The following WWC2 variants were observed in gnomAD, a reference collection of about 807,000 sequenced individuals.
The protein encoded by WWC2 is protein WWC2.
Under a neutral mutation model 138.5 loss-of-function variants are expected in WWC2, and 101 were observed. The ratio of observed to expected loss-of-function variants is 0.73; its 90% CI spans 0.62 to 0.86. WWC2 has a LOEUF of 0.86. WWC2 is among the 40% of genes least tolerant of loss of function. WWC2 has a pLI of 0.00. For missense variants in WWC2, 1,420 were observed against 1,419.4 expected, an observed-to-expected ratio of 1.00 and a Z score of -0.01; for synonymous variants, 558 against 538.4, an observed-to-expected ratio of 1.04 and a Z score of -0.50.
chr4:183,215,524 C>G (rs908822543), intron 4 of WWC2, among the ~76,000 whole-genome samples: 3 of 152,030 alleles, frequency 2.0e-5, no homozygotes, highest in South Asian at 2.1e-4. Context: ...ATATGACATG[C>G]TAGTAACTTG....
chr4:183,193,268 C>T (rs556124689), intron 1 of WWC2, among the ~76,000 whole-genome samples: 104 of 152,154 alleles, frequency 6.8e-4, no homozygotes, highest in Non-Finnish European at 1.2e-3. Context: ...TCTTGGGACA[C>T]ATTTTTCTTT....
At chr4:183,272,926 T>C (rs1253339527) in intron 16 of WWC2, among the ~76,000 whole-genome samples, 2 of 152,184 alleles carry the variant, frequency 1.3e-5, no homozygotes, top group African/African-American at 4.8e-5. Flanking sequence ...TATACAAGTG[T>C]TTTTGTGGAC....
chr4:183,248,158 C>T (rs2111330183), intron 6 of WWC2, among the ~76,000 whole-genome samples: 1 of 152,304 alleles, frequency 6.6e-6, no homozygotes, highest in African/African-American at 2.4e-5. Flanking sequence ...GCAGTAGACA[C>T]ACAGATGGGC....
chr4:183,106,352 AG>A lies in WWC2; in HGVS notation c.131+6732del, dbSNP rs369727883. Among the ~76,000 whole-genome samples, 13 of 152,324 alleles carry A rather than the reference AG, an allele frequency of 8.5e-5. 1 individual carries two copies. Among genetic ancestry groups the A allele is most frequent in the African/African-American group, 2.9e-4 (12 of 41,570 alleles). ...AGATACAAATGATTTATCAAAATAT[AG>A]GTTCACAATGTTTTCAATGTCTTCA... On this transcript the variant is annotated intron_variant, in intron 1 of 22. Transcript: ENST00000403733.
chr4:183,114,446 A>G, intron 1 of WWC2, among the ~76,000 whole-genome samples: 1 of 152,308 alleles, frequency 6.6e-6, no homozygotes, highest in Non-Finnish European at 1.5e-5. Flanking sequence ...AGAGAAATCT[A>G]GTAGACACCC....
At chr4:183,221,352 G>A (rs982896092) in intron 4 of WWC2, among the ~76,000 whole-genome samples, 4 of 152,212 alleles carry the variant, frequency 2.6e-5, no homozygotes, top group Non-Finnish European at 5.9e-5. Context: ...AGTTGGACAT[G>A]ATAGAATGTG....
intron 1 of WWC2, among the ~76,000 whole-genome samples, chr4:183,110,544 A>G (rs895640491): frequency 5.9e-5 from 9 of 151,504 alleles, no homozygotes; most frequent in African/African-American, 2.2e-4. Flanking sequence ...TGAGGTAGTC[A>G]TGCACTAACA....
chr4:183,275,235 A>G (rs986929385), intron 16 of WWC2, among the ~76,000 whole-genome samples: 1 of 152,104 alleles, frequency 6.6e-6, no homozygotes, highest in Non-Finnish European at 1.5e-5. Context: ...GATTTTCTAT[A>G]AGATCATATT....
At position 183,099,610 on chromosome 4, in the gene WWC2, A is replaced by AC; in HGVS notation, c.124dup (p.Arg42ProfsTer12). 5 of 1,359,002 alleles carry AC rather than the reference A, an allele frequency of 3.7e-6. No homozygotes were observed. Among genetic ancestry groups the AC allele is most frequent in the South Asian group, 3.4e-5 (2 of 58,342 alleles). 84.2% of individuals were successfully genotyped at this position (1,359,002 alleles called of 1,614,324 possible). On this transcript the variant is annotated frameshift_variant, in exon 1 of 23. Transcript: ENST00000403733. LOFTEE classifies it high-confidence loss of function. ...AACACCAGGAGGACCAGCTGGATCG[A>AC]CCCCCGGGACAGGTGGGCGCCGGCC...
chr4:183,275,107 G>C (rs947099434), intron 16 of WWC2, among the ~76,000 whole-genome samples: 1 of 151,950 alleles, frequency 6.6e-6, no homozygotes, highest in Non-Finnish European at 1.5e-5. Context: ...AGCCACTGTG[G>C]AACTGTTTTC....
intron 10 of WWC2, among the ~76,000 whole-genome samples, chr4:183,260,464 A>G (rs1298633429): frequency 6.6e-6 from 1 of 152,252 alleles, no homozygotes; most frequent in African/African-American, 2.4e-5. Context: ...CAGACTGCAT[A>G]TATGATGGTG....
intron 1 of WWC2, among the ~76,000 whole-genome samples, chr4:183,138,278 A>G (rs1470568785): frequency 1.3e-5 from 2 of 152,156 alleles, no homozygotes; most frequent in African/African-American, 4.8e-5. Flanking sequence ...TGTGAGTATT[A>G]CTTTACCATT....
intron 4 of WWC2, among the ~76,000 whole-genome samples, chr4:183,218,610 G>A (rs1308650738): frequency 2.0e-5 from 3 of 152,202 alleles, no homozygotes; most frequent in Non-Finnish European, 4.4e-5. Context: ...TGACAAACTG[G>A]AGGCACAGGA....
chr4:183,211,217 A>G lies in WWC2; in HGVS notation c.522+2192A>G, dbSNP rs540880997. The stretch of plus-strand genomic sequence containing the variant: ...TTTGAACCTGGGTGCAGTGGCTTAC[A>G]CCTGTAATCCCAGCACTTTAGGAGG... On this transcript the variant is annotated intron_variant, in intron 4 of 22. Transcript: ENST00000403733. Among the ~76,000 whole-genome samples the G allele has an allele frequency of 2.4e-4, 37 of 152,294 alleles. 1 individual carries two copies. In the South Asian group the frequency reaches 7.3e-3, roughly 30 times the overall value.
intron 4 of WWC2, among the ~76,000 whole-genome samples, chr4:183,235,953 G>A (rs1326881998): frequency 6.6e-6 from 1 of 152,174 alleles, no homozygotes; most frequent in Non-Finnish European, 1.5e-5. Context: ...GTAAGATATA[G>A]TATTGTTTTA....
chr4:183,240,082 T>C, intron 4 of WWC2, 101 bp from the exon 5 acceptor site: 2 of 779,682 alleles, frequency 2.6e-6, no homozygotes, highest in South Asian at 2.3e-5. Flanking sequence ...ACTCATGGCT[T>C]TGTTTATGTG....
At chr4:183,227,813 T>C (rs540560790) in intron 4 of WWC2, among the ~76,000 whole-genome samples, 4 of 152,122 alleles carry the variant, frequency 2.6e-5, no homozygotes, top group African/African-American at 9.7e-5. Context: ...TCCATACATA[T>C]AGGTGAAATA....
chr4:183,125,868 T>G (rs890749659), intron 1 of WWC2, among the ~76,000 whole-genome samples: 2 of 152,210 alleles, frequency 1.3e-5, no homozygotes, highest in South Asian at 4.1e-4. Flanking sequence ...TAGGACTGTT[T>G]AATGAACACA....
chr4:183,308,614 T>C lies in WWC2; in HGVS notation c.3385-3727T>C, dbSNP rs188183226. On this transcript the variant is annotated intron_variant, in intron 21 of 22. Coordinates refer to ENST00000403733, the MANE Select transcript of WWC2 (RefSeq NM_024949.6). Reference sequence around the variant, plus strand: ...TGGGGATTGGTTCCAGGACTCCCCATGGACACAGATGCTCAAGTCCTTTAT... The same window carrying C: ...TGGGGATTGGTTCCAGGACTCCCCACGGACACAGATGCTCAAGTCCTTTAT... Among the ~76,000 whole-genome samples the C allele has an allele frequency of 3.9e-4, 59 of 152,316 alleles. No homozygotes were observed. The East Asian group carries it at 9.4e-3, about 24-fold the overall frequency.
Sources: allele counts gnomAD v4.1 joint callset (sites outside exome capture counted in the v4.1 genomes callset), GRCh38; gene constraint gnomAD v4.1.1; transcripts MANE v1.5; gene names NCBI Gene and HGNC (gene_info 2026-07-23, HGNC 2026-07-21).